Variants in MBD3 observed in about 807,000 individuals in gnomAD.
The protein encoded by MBD3 is methyl-CpG binding domain protein 3, also known as methyl-CpG-binding domain protein 3.
A neutral mutation model predicts 31.2 loss-of-function variants in MBD3; 13 were observed. That is an observed-to-expected ratio of 0.42 (90% CI 0.27 to 0.66). The LOEUF (loss-of-function observed/expected upper bound fraction) is 0.66, where lower values mean the gene tolerates loss of function less well. MBD3 is among the 30% of genes least tolerant of loss of function. MBD3 has a pLI of 0.26. For missense variants in MBD3, 440 were observed against 426.5 expected (o/e 1.03, Z -0.28); for synonymous variants, 223 against 187.4 (o/e 1.19, Z -1.55).
Position 1,588,849 on chromosome 19 carries a change from A to AGACTGGGG in MBD3, c.111-3643_111-3636dup, listed in dbSNP as rs928221897. On this transcript the variant is annotated intron_variant, in intron 1 of 6. Transcript: ENST00000434436. Reference sequence around the variant, plus strand: ...CACACAGACCACAGCCTGGTTGTTAAGACTGGGGGTGGGCGCACAAGGCAG... The same window carrying AGACTGGGG: ...CACACAGACCACAGCCTGGTTGTTAAGACTGGGGGACTGGGGGTGGGCGCACAAGGCAG... Among the ~76,000 whole-genome samples the AGACTGGGG allele has an allele frequency of 2.6e-5, 4 of 151,152 alleles. No individual in the cohort carries two copies. The South Asian group carries it at 8.4e-4, about 32-fold the overall frequency.
rs765811330 is a variant in MBD3, at chr19:1,578,291, C to T, written c.*5+44G>A. ...ATCTGTGTTCACCAGGCAGTCCCCA[C>T]TGCCAGGACCCGACTCCAGGGAGCC... is the stretch of plus-strand genomic sequence containing the variant. On this transcript the variant is annotated intron_variant, in intron 6 of 6. Transcript: ENST00000434436. The surrounding 1 kb of genome is among the most constrained non-coding windows in gnomAD (Gnocchi z 6.1). 14 of 1,598,804 alleles carry T rather than the reference C, an allele frequency of 8.8e-6. No individual in the cohort carries two copies. The South Asian group carries it at 9.9e-5, about 11-fold the overall frequency.
chr19:1,578,095 CGT>C lies in MBD3; in HGVS notation c.*67_*68del. 3.2e-6 allele frequency: 2 copies of C among 615,842 alleles called. No individual in the cohort carries two copies. Among genetic ancestry groups the C allele is most frequent in the Non-Finnish European group, 5.6e-6 (2 of 354,644 alleles). 38.1% of individuals were successfully genotyped at this position (615,842 alleles called of 1,614,324 possible). ...GGGCTTCGCCGCCGAGCCTGGTTCA[CGT>C]GGGGCCGAGGACCGCGTCTGCAGGC... On this transcript the variant is annotated 3_prime_UTR_variant, in exon 7 of 7. Coordinates refer to ENST00000434436, the MANE Select transcript of MBD3 (RefSeq NM_001281453.2). This position sits in a 1 kb window ranked among gnomAD's most constrained non-coding sequence, Gnocchi z 6.1.
intron 5 of MBD3, among the ~76,000 whole-genome samples, chr19:1,580,023 G>A (rs946341875): frequency 6.6e-6 from 1 of 152,256 alleles, no homozygotes; most frequent in African/African-American, 2.4e-5. Context: ...CTCCCAAAGT[G>A]CTGGGATTAC....
chr19:1,582,487 CCA>C (rs2060657382), intron 4 of MBD3, 133 bp downstream of exon 4: 2 of 806,780 alleles, frequency 2.5e-6, no homozygotes. Context: ...TCCTCCTGCC[CCA>C]GTCGCTGGCA....
At chr19:1,589,368 A>AG (rs1390412773) in intron 1 of MBD3, among the ~76,000 whole-genome samples, 1 of 142,384 alleles carries the variant, frequency 7.0e-6, no homozygotes, top group Non-Finnish European at 1.5e-5. Flanking sequence ...AAAAAAAAAA[A>AG]GAAGGCAGGC....
chr19:1,592,583 T>C lies in MBD3; in HGVS notation c.49A>G (p.Arg17Gly). ...ECPALPQGWE[R>G]EEVPRRSGLS... ...CCCGACCTTCTGGGCACTTCTTCCCTCTCCCAGCCCTGCGGGAGCGCCGGG... is the reference window on the plus strand; with the variant it reads ...CCCGACCTTCTGGGCACTTCTTCCCCCTCCCAGCCCTGCGGGAGCGCCGGG... The change falls in exon 1 of 7, where the codon AGG becomes GGG. Residue 17 changes from arginine (R) to glycine (G), a missense_variant. Around this residue, in one of 3 missense-constraint regions of MBD3, gnomAD observed 179 missense variants for 134.7 expected, o/e 1.33. Coordinates refer to ENST00000434436, the MANE Select transcript of MBD3 (RefSeq NM_001281453.2). The C allele has an allele frequency of 7.0e-7, 1 of 1,436,106 alleles. No individual in the cohort carries two copies. The highest frequency in any genetic ancestry group is 9.3e-7 in the Non-Finnish European group (1 of 1,072,394). 89.0% of individuals were successfully genotyped at this position (1,436,106 alleles called of 1,614,324 possible).
intron 1 of MBD3, among the ~76,000 whole-genome samples, chr19:1,587,633 T>A (rs1223460091): frequency 6.6e-6 from 1 of 152,198 alleles, no homozygotes; most frequent in African/African-American, 2.4e-5. Context: ...CAGGTTGGTC[T>A]CCAACTTACG....
chr19:1,581,658 C>T (rs1917356702), intron 4 of MBD3: 2 of 338,518 alleles, frequency 5.9e-6, no homozygotes, highest in East Asian at 1.6e-4. Context: ...GCTGAGAGAA[C>T]CACTTGAGCC....
rs1916468150 is a variant in MBD3, at chr19:1,575,656, G to A, written c.*2508C>T. 1 of 159,608 alleles carries A rather than the reference G, an allele frequency of 6.3e-6. No individual in the cohort carries two copies. Among genetic ancestry groups the A allele is most frequent in the Non-Finnish European group, 1.4e-5 (1 of 72,176 alleles). 9.9% of individuals were successfully genotyped at this position (159,608 alleles called of 1,614,324 possible). ...GCCTGAGGGTCTGAGACTTTTCCAGGGCAGGGAATTTGACGAGGGCCTGAG... is the reference window on the plus strand; with the variant it reads ...GCCTGAGGGTCTGAGACTTTTCCAGAGCAGGGAATTTGACGAGGGCCTGAG... On this transcript the variant is annotated 3_prime_UTR_variant, in exon 7 of 7. Coordinates refer to ENST00000434436, the MANE Select transcript of MBD3 (RefSeq NM_001281453.2).
In MBD3 at chr19:1,585,527, C is replaced by T. The variant is rs1047733610; in HGVS notation, c.111-313G>A. ...CCTAGCCCCAGCCTCCACATCGGAT[C>T]CTTGCTCCAGACCCCCAACCCCGGT... On this transcript the variant is annotated intron_variant, in intron 1 of 6. Transcript: ENST00000434436. The surrounding 1 kb of genome is among the most constrained non-coding windows in gnomAD (Gnocchi z 4.1). 4.9e-6 allele frequency: 2 copies of T among 406,608 alleles called. No individual in the cohort carries two copies. Among genetic ancestry groups the T allele is most frequent in the African/African-American group, 4.1e-5 (2 of 48,400 alleles). 25.2% of individuals were successfully genotyped at this position (406,608 alleles called of 1,614,324 possible). A position where few individuals can be genotyped will look rare whatever the true frequency, so the allele number is the denominator to read the frequency against.
intron 1 of MBD3, among the ~76,000 whole-genome samples, chr19:1,586,571 C>T (rs1420055089): frequency 6.6e-6 from 1 of 152,102 alleles, no homozygotes; most frequent in Non-Finnish European, 1.5e-5. Context: ...TGCAATGGCT[C>T]AATCACAGCT....
At chr19:1,581,066 A>G in intron 5 of MBD3, 26 bp downstream of exon 5, 4 of 1,613,892 alleles carry the variant, frequency 2.5e-6, no homozygotes, top group Non-Finnish European at 3.4e-6. Flanking sequence ...AGGGTGGAGC[A>G]GCAGGGGACC....
Position 1,592,392 on chromosome 19 carries a change from A to AGACGCACGCACGCACGCAC in MBD3, c.110+111_110+129dup, listed in dbSNP as rs1408608216. The AGACGCACGCACGCACGCAC allele has an allele frequency of 8.4e-3, 1,798 of 214,502 alleles. 17 individuals are homozygous for AGACGCACGCACGCACGCAC. The highest frequency in any genetic ancestry group is 0.013 in the Middle Eastern group (10 of 786). 13.3% of individuals were successfully genotyped at this position (214,502 alleles called of 1,614,324 possible). Reference sequence around the variant, plus strand: ...CGCGCGCCGGGCGCACACGCACGCAAGACGCACGCACGCACGCACGACGCA... The same window carrying AGACGCACGCACGCACGCAC: ...CGCGCGCCGGGCGCACACGCACGCAAGACGCACGCACGCACGCACGACGCACGCACGCACGCACGACGCA... On this transcript the variant is annotated intron_variant, in intron 1 of 6. Transcript: ENST00000434436.
chr19:1,582,004 T>A (rs1005139046), intron 4 of MBD3, among the ~76,000 whole-genome samples: 2 of 152,140 alleles, frequency 1.3e-5, no homozygotes, highest in Non-Finnish European at 2.9e-5. Flanking sequence ...CCTGACCTCA[T>A]GATCCGCCCG....
At chr19:1,582,477 T>G (rs1405962492) in intron 4 of MBD3, 145 bp downstream of exon 4, 1 of 744,436 alleles carries the variant, frequency 1.3e-6, no homozygotes, top group Non-Finnish European at 2.3e-6. Flanking sequence ...CTGGGTCCCC[T>G]CCTCCTGCCC....
rs150013881 is a variant in MBD3 at position 1,580,700 on chromosome 19, C to T, written c.677+392G>A. 7.9e-4 allele frequency among the ~76,000 whole-genome samples: 120 copies of T among 152,298 alleles called. 1 individual carries two copies. The highest frequency in any genetic ancestry group is 1.4e-3 in the Non-Finnish European group (97 of 68,030). ...CTGAGCGGCCGTGTTCCCTGCTGTT[C>T]GTTCCGAGGCTCTGCACATCAGAAC... is the stretch of plus-strand genomic sequence containing the variant. On this transcript the variant is annotated intron_variant, in intron 5 of 6. Transcript: ENST00000434436.
rs534617281 is a variant in MBD3 at position 1,576,934 on chromosome 19, G to A, written c.*1230C>T. On this transcript the variant is annotated 3_prime_UTR_variant, in exon 7 of 7. Coordinates refer to ENST00000434436, the MANE Select transcript of MBD3 (RefSeq NM_001281453.2). ...GCCCACTGCCTCCATGCGGGTCCTT[G>A]GAGGGCAGACGGTGGAGCGGCGCTT... 6.6e-6 allele frequency: 1 copy of A among 152,482 alleles called. No homozygotes were observed. The highest frequency in any genetic ancestry group is 2.4e-5 in the African/African-American group (1 of 41,602). 9.4% of individuals were successfully genotyped at this position (152,482 alleles called of 1,614,324 possible).
At chr19:1,588,557 G>T (rs976826659) in intron 1 of MBD3, among the ~76,000 whole-genome samples, 1 of 151,830 alleles carries the variant, frequency 6.6e-6, no homozygotes, top group Non-Finnish European at 1.5e-5. Context: ...TGAGGTGGGT[G>T]GATTGCCTGA....
In MBD3 at chr19:1,576,980, C is replaced by T. The variant is rs1029719877; in HGVS notation, c.*1184G>A. 1 of 152,362 alleles carries T rather than the reference C, an allele frequency of 6.6e-6. No individual in the cohort carries two copies. Among genetic ancestry groups the T allele is most frequent in the African/African-American group, 2.4e-5 (1 of 41,484 alleles). 9.4% of individuals were successfully genotyped at this position (152,362 alleles called of 1,614,324 possible). On this transcript the variant is annotated 3_prime_UTR_variant, in exon 7 of 7. Transcript: ENST00000434436. ...CGCTTCCTCAGCTCCCGCGGTCAGG[C>T]CCCATCAGGGATGGTCACAGTCCAG...
Sources: allele counts gnomAD v4.1 joint callset (sites outside exome capture counted in the v4.1 genomes callset), GRCh38; gene constraint gnomAD v4.1.1; regional missense constraint gnomAD v4.1.1; non-coding constraint Gnocchi (gnomAD v3.1); transcripts MANE v1.5; gene names NCBI Gene and HGNC (gene_info 2026-07-23, HGNC 2026-07-21).